ZNF510: variants seen among roughly 807,000 people sequenced by gnomAD.
ZNF510 encodes zinc finger protein 510.
ZNF510 carries 15 observed loss-of-function variants against 18.1 expected under a neutral mutation model. The ratio of observed to expected loss-of-function variants is 0.83; its 90% CI spans 0.55 to 1.28. The LOEUF is 1.28. Ranked by LOEUF, ZNF510 falls within the 50% of genes most tolerant of loss-of-function variation. The pLI is 0.00. For synonymous variants in ZNF510, 261 were observed against 266.4 expected (o/e 0.98, Z 0.20); for missense variants, 724 against 791.8 (o/e 0.91, Z 1.03).
At chr9:96,770,427 TA>T (rs57872154) in intron 3 of ZNF510, among the ~76,000 whole-genome samples, 23,249 of 128,654 alleles carry the variant, frequency 0.18, 4,762 homozygotes, top group African/African-American at 0.51. Flanking sequence ...CTGTGTCTAC[TA>T]AAAAAAAAAA....
chr9:96,776,253 ATAAAGAGCTGC>A lies in ZNF510; in HGVS notation c.-176-19_-176-9del, dbSNP rs1305848772. 2 of 1,187,778 alleles carry A rather than the reference ATAAAGAGCTGC, an allele frequency of 1.7e-6. 1 individual carries two copies. Among genetic ancestry groups the A allele is most frequent in the African/African-American group, 3.2e-5 (2 of 63,346 alleles). 73.6% of individuals were successfully genotyped at this position (1,187,778 alleles called of 1,614,324 possible). A position where few individuals can be genotyped will look rare whatever the true frequency, so the allele number is the denominator to read the frequency against. On this transcript the variant is annotated splice_polypyrimidine_tract_variant and intron_variant, in intron 1 of 5. Coordinates refer to ENST00000223428, the MANE Select transcript of ZNF510 (RefSeq NM_014930.3). ...CCTGGGGCTCCCTCCTTCCTGCAAC[ATAAAGAGCTGC>A]TTTGCTCCAGAGAAGCTGGGGCTGA...
rs146120207 is a variant in ZNF510, at chr9:96,768,603, C to CA, written c.130-4972dup. On this transcript the variant is annotated intron_variant, in intron 3 of 5. Transcript: ENST00000223428. ...GAAAACAATTCCACTTACAATAGAACAAAAAATAATAAAATAGGAATAAAT... is the reference window on the plus strand; with the variant it reads ...GAAAACAATTCCACTTACAATAGAACAAAAAAATAATAAAATAGGAATAAAT... Among the ~76,000 whole-genome samples, 858 of 151,954 alleles carry CA rather than the reference C, an allele frequency of 5.6e-3. 6 individuals are homozygous for CA. The highest frequency in any genetic ancestry group is 0.02 in the African/African-American group (818 of 41,448).
At position 96,776,164 on chromosome 9, in the gene ZNF510, T is replaced by C. The variant is rs944019680; in HGVS notation, c.-95A>G. The C allele has an allele frequency of 1.2e-5, 18 of 1,516,058 alleles. No homozygotes were observed. In the African/African-American group the frequency reaches 2.4e-4, roughly 20 times the overall value. The allele number at this position is 1,516,058 out of a possible 1,614,324, so 93.9% of individuals were successfully genotyped here. On this transcript the variant is annotated 5_prime_UTR_variant, in exon 2 of 6. Coordinates refer to ENST00000223428, the MANE Select transcript of ZNF510 (RefSeq NM_014930.3). ...CCTTTCTGGGTTCTTCTGCATCTGT[T>C]TGGAAGCCCTGGTGAGGAGGTCTCT... is the stretch of plus-strand genomic sequence containing the variant.
chr9:96,776,070 C>A lies in ZNF510; in HGVS notation c.-1G>T. ...TGATGGCTTCTGGATGTGGCGACATCACCAAGTCTGGTGCTCTCTGGGCAA... is the reference window on the plus strand; with the variant it reads ...TGATGGCTTCTGGATGTGGCGACATAACCAAGTCTGGTGCTCTCTGGGCAA... On this transcript the variant is annotated 5_prime_UTR_variant, in exon 2 of 6. Coordinates refer to ENST00000223428, the MANE Select transcript of ZNF510 (RefSeq NM_014930.3). 1 of 1,601,406 alleles carries A rather than the reference C, an allele frequency of 6.2e-7. No homozygotes were observed. The highest frequency in any genetic ancestry group is 8.5e-7 in the Non-Finnish European group (1 of 1,173,206).
In ZNF510 at chr9:96,759,538, G is replaced by A; in HGVS notation, c.1292C>T (p.Pro431Leu). ...TTTTCCACATTCACTACATTCAAAT[G>A]GTTTCTCTCCTGTGTGAGTTCTCTG... ...QHQRTHTGEK[P>L]FECSECGKTF... Residue 431 changes from proline (P) to leucine (L), a missense_variant, in exon 6 of 6, where the codon CCA (proline) becomes CTA (leucine). Pro to Leu is a moderately conservative substitution (Grantham distance 98, BLOSUM62 -3). Coordinates refer to ENST00000223428, the MANE Select transcript of ZNF510 (RefSeq NM_014930.3). 6.2e-7 allele frequency: 1 copy of A among 1,614,066 alleles called. No individual in the cohort carries two copies. Among genetic ancestry groups the A allele is most frequent in the Non-Finnish European group, 8.5e-7 (1 of 1,179,980 alleles).
chr9:96,776,112 C>G lies in ZNF510; in HGVS notation c.-43G>C. On this transcript the variant is annotated 5_prime_UTR_variant, in exon 2 of 6. Transcript: ENST00000223428. Reference sequence around the variant, plus strand: ...TCTGGGCAAGGGGATGAAGAAGTGCCGCTGGTTGGGCAAATCAAGACCTGC... The same window carrying G: ...TCTGGGCAAGGGGATGAAGAAGTGCGGCTGGTTGGGCAAATCAAGACCTGC... The G allele has an allele frequency of 6.4e-7, 1 of 1,567,816 alleles. No homozygotes were observed. Among genetic ancestry groups the G allele is most frequent in the Non-Finnish European group, 8.7e-7 (1 of 1,154,620 alleles).
At chr9:96,772,610 T>G (rs10118934) in intron 3 of ZNF510, among the ~76,000 whole-genome samples, 9,013 of 152,148 alleles carry the variant, frequency 0.059, 870 homozygotes, top group African/African-American at 0.2. Flanking sequence ...TGTCTAAATG[T>G]CCAAAACACA....
chr9:96,759,993 T>C lies in ZNF510; in HGVS notation c.837A>G (p.Glu279=). The C allele has an allele frequency of 6.2e-7, 1 of 1,613,120 alleles. No individual in the cohort carries two copies. The highest frequency in any genetic ancestry group is 8.5e-7 in the Non-Finnish European group (1 of 1,179,900). ...CVKHNSSHTG[E]TSSKDDEFRK... ...TAAATTCATCATCTTTAGAGGATGT[T>C]TCTCCTGTGTGAGAACTGTTATGTT... The change falls in exon 6 of 6, where the codon GAA becomes GAG. Residue 279 remains glutamate, a synonymous_variant. Coordinates refer to ENST00000223428, the MANE Select transcript of ZNF510 (RefSeq NM_014930.3).
In ZNF510 at chr9:96,759,683, T is replaced by A. The variant is rs758418544; in HGVS notation, c.1147A>T (p.Lys383Ter). ...TGAACCGACGTCTGGTAGGATTTCT[T>A]ATTTTCATGATATTCAGAGGATTTA... ...WVKSSEYHEN[K>*]KSYQTSVHRV... Residue 383 changes from lysine (K) to a stop codon, truncating the protein, a stop_gained, in exon 6 of 6, where the codon AAG (lysine) becomes TAG (stop). Coordinates refer to ENST00000223428, the MANE Select transcript of ZNF510 (RefSeq NM_014930.3). LOFTEE classifies it low-confidence loss of function (END_TRUNC). 3.7e-6 allele frequency: 6 copies of A among 1,613,656 alleles called. No homozygotes were observed. The highest frequency in any genetic ancestry group is 8.5e-7 in the Non-Finnish European group (1 of 1,179,988).
Position 96,760,014 on chromosome 9 carries a change from A to G in ZNF510, c.816T>C (p.His272=). 3 of 1,612,974 alleles carry G rather than the reference A, an allele frequency of 1.9e-6. No homozygotes were observed. Among genetic ancestry groups the G allele is most frequent in the Non-Finnish European group, 2.5e-6 (3 of 1,179,872 alleles). ...AFNDKANCVK[H]NSSHTGETSS... is the part of the protein sequence containing the mutation. ...ATGTTTCTCCTGTGTGAGAACTGTT[A>G]TGTTTAACACAGTTAGCCTTATCAT... Residue 272 remains histidine (H), a synonymous_variant, in exon 6 of 6, where the codon CAT becomes CAC. Transcript: ENST00000223428.
chr9:96,773,152 A>G (rs1214220902), intron 3 of ZNF510, among the ~76,000 whole-genome samples: 1 of 152,184 alleles, frequency 6.6e-6, no homozygotes. Context: ...TTTCCCTAAC[A>G]TATGAGGTCA....
At position 96,759,983 on chromosome 9, in the gene ZNF510, T is replaced by C. The variant is rs1564434428; in HGVS notation, c.847A>G (p.Lys283Glu). ...NSSHTGETSS[K>E]DDEFRKNCDK... ...CAATTTTTCCTAAATTCATCATCTT[T>C]AGAGGATGTTTCTCCTGTGTGAGAA... Residue 283 changes from lysine (K) to glutamate (E), a missense_variant, in exon 6 of 6, where the codon AAA becomes GAA. Coordinates refer to ENST00000223428, the MANE Select transcript of ZNF510 (RefSeq NM_014930.3). The C allele has an allele frequency of 6.2e-7, 1 of 1,613,162 alleles. No homozygotes were observed. The highest frequency in any genetic ancestry group is 8.5e-7 in the Non-Finnish European group (1 of 1,179,890).
chr9:96,770,581 C>T (rs917999647), intron 3 of ZNF510, among the ~76,000 whole-genome samples: 41 of 149,718 alleles, frequency 2.7e-4, no homozygotes, highest in Admixed American at 6.6e-5. Context: ...CCAGCCTGAG[C>T]GACAAGAGCA....
chr9:96,759,693 A>C lies in ZNF510; in HGVS notation c.1137T>G (p.Tyr379Ter). Residue 379 changes from tyrosine (Y) to a stop codon, truncating the protein, a stop_gained, in exon 6 of 6, where the codon TAT (tyrosine) becomes TAG (stop). Coordinates refer to ENST00000223428, the MANE Select transcript of ZNF510 (RefSeq NM_014930.3). LOFTEE classifies it low-confidence loss of function (END_TRUNC). Reference protein sequence around the residue: ...RTQTWVKSSEYHENKKSYQTS... With the variant: ...RTQTWVKSSE The stretch of plus-strand genomic sequence containing the variant: ...TCTGGTAGGATTTCTTATTTTCATG[A>C]TATTCAGAGGATTTAACCCAAGTCT... The C allele has an allele frequency of 6.2e-7, 1 of 1,613,786 alleles. No individual in the cohort carries two copies. Among genetic ancestry groups the C allele is most frequent in the South Asian group, 1.1e-5 (1 of 91,072 alleles).
Position 96,754,803 on chromosome 9 carries a change from A to G in ZNF510, c.*3975T>C, listed in dbSNP as rs1849159235. ...CTTCAGCAAGTATTTCTGAGTGCCT[A>G]ATACGAAGAGGGACTGCTTCATGTG... is the stretch of plus-strand genomic sequence containing the variant. On this transcript the variant is annotated 3_prime_UTR_variant, in exon 6 of 6. Coordinates refer to ENST00000223428, the MANE Select transcript of ZNF510 (RefSeq NM_014930.3). Among the ~76,000 whole-genome samples the G allele has an allele frequency of 6.6e-6, 1 of 152,214 alleles. No individual in the cohort carries two copies. Among genetic ancestry groups the G allele is most frequent in the African/African-American group, 2.4e-5 (1 of 41,462 alleles).
Position 96,763,816 on chromosome 9 carries a change from A to G in ZNF510, c.130-184T>C, listed in dbSNP as rs999500268. On this transcript the variant is annotated intron_variant, in intron 3 of 5. Transcript: ENST00000223428. ...TTAAATTGGTAAAAGTTTTTATAGG[A>G]GAGGTGCAGTGGCTCATGCCTGTAA... is the stretch of plus-strand genomic sequence containing the variant. The G allele has an allele frequency of 9.0e-6, 5 of 558,234 alleles. No individual in the cohort carries two copies. In the African/African-American group the frequency reaches 9.9e-5, roughly 11 times the overall value. The allele number at this position is 558,234 out of a possible 1,614,324, so 34.6% of individuals were successfully genotyped here.
Position 96,776,255 on chromosome 9 carries a change from A to G in ZNF510, c.-176-10T>C. On this transcript the variant is annotated splice_polypyrimidine_tract_variant and intron_variant, in intron 1 of 5. Coordinates refer to ENST00000223428, the MANE Select transcript of ZNF510 (RefSeq NM_014930.3). ...TGGGGCTCCCTCCTTCCTGCAACAT[A>G]AAGAGCTGCTTTGCTCCAGAGAAGC... 8.4e-7 allele frequency: 1 copy of G among 1,186,920 alleles called. No homozygotes were observed. The highest frequency in any genetic ancestry group is 2.0e-5 in the South Asian group (1 of 51,268). 73.5% of individuals were successfully genotyped at this position (1,186,920 alleles called of 1,614,324 possible). A position where few individuals can be genotyped will look rare whatever the true frequency, so the allele number is the denominator to read the frequency against.
chr9:96,767,932 T>C (rs1235972069), intron 3 of ZNF510, among the ~76,000 whole-genome samples: 2 of 152,178 alleles, frequency 1.3e-5, no homozygotes, highest in Non-Finnish European at 2.9e-5. Context: ...AACTATGATA[T>C]GTATCCCTTC....
chr9:96,772,086 C>T (rs1404317592), intron 3 of ZNF510, among the ~76,000 whole-genome samples: 1 of 152,004 alleles, frequency 6.6e-6, no homozygotes, highest in African/African-American at 2.4e-5. Flanking sequence ...ACTAATTGGA[C>T]CAAAGGAAGA....
Sources: gnomAD v4.1 joint callset for allele counts (sites outside exome capture counted in the v4.1 genomes callset) on GRCh38, gnomAD v4.1.1 for gene constraint, MANE v1.5 for transcripts, NCBI Gene and HGNC (gene_info 2026-07-23, HGNC 2026-07-21) for gene names.